The following HECW1 variants were observed in gnomAD, a reference collection of about 807,000 sequenced individuals.
HECW1 encodes E3 ubiquitin-protein ligase HECW1.
Under a neutral mutation model 182.3 loss-of-function variants are expected in HECW1, and 61 were observed. The ratio of observed to expected loss-of-function variants is 0.33; its 90% confidence interval spans 0.27 to 0.41. The LOEUF (loss-of-function observed/expected upper bound fraction) is 0.41. Among genes scored for constraint, HECW1 ranks in the 10% least tolerant of loss-of-function variants. HECW1 has a pLI of 1.00. For missense variants in HECW1, 1,739 were observed against 2,108.9 expected (o/e 0.82, Z 3.44); for synonymous variants, 859 against 832.6 (o/e 1.03, Z -0.55).
chr7:43,222,113 G>T (rs1797034747), intron 2 of HECW1, among the ~76,000 whole-genome samples: 8 of 152,144 alleles, frequency 5.3e-5, no homozygotes, highest in Admixed American at 5.2e-4. Flanking sequence ...AACTGTCTTG[G>T]CACATGAGAA....
At chr7:43,247,672 A>C in intron 3 of HECW1, among the ~76,000 whole-genome samples, 1 of 106,386 alleles carries the variant, frequency 9.4e-6, no homozygotes, top group Admixed American at 1.2e-4. Context: ...AAGGAAGGGG[A>C]GAGGGAGGGA....
Position 43,444,783 on chromosome 7 carries a change from G to T in HECW1, c.1611G>T (p.Leu537Phe). The change falls in exon 11 of 30, where the codon TTG (leucine) becomes TTT (phenylalanine). Residue 537 changes from leucine (L) to phenylalanine (F), a missense_variant. Around this residue, in one of 5 missense-constraint regions of HECW1, gnomAD observed 971 missense variants for 1,029.1 expected, o/e 0.94. Coordinates refer to ENST00000395891, the MANE Select transcript of HECW1 (RefSeq NM_015052.5). The surrounding 1 kb of genome is among the most constrained non-coding windows in gnomAD (Gnocchi z 4.3). ...AGAGAAAAAGCAGGCCCTGCTCCTT[G>T]CCTGTGTCCGAGCTGGAGACGGTGA... ...SVKRKSRPCS[L>F]PVSELETVIA... The T allele has an allele frequency of 1.2e-6, 2 of 1,614,122 alleles. No individual in the cohort carries two copies. The highest frequency in any genetic ancestry group is 8.5e-7 in the Non-Finnish European group (1 of 1,180,020).
intron 6 of HECW1, among the ~76,000 whole-genome samples, chr7:43,381,116 C>T (rs1000456908): frequency 6.6e-6 from 1 of 152,088 alleles, no homozygotes. Context: ...GTTAGGGACC[C>T]CAGGTTTATT....
Position 43,550,440 on chromosome 7 carries a change from A to G in HECW1, c.4249-5A>G, listed in dbSNP as rs1321761465. On this transcript the variant is annotated splice_polypyrimidine_tract_variant and splice_region_variant and intron_variant, in intron 26 of 29. Coordinates refer to ENST00000395891, the MANE Select transcript of HECW1 (RefSeq NM_015052.5). Reference sequence around the variant, plus strand: ...AGCATCGCAATATTTCTGTTTTCCTACAAGGTCACGGAAAGGGAGTTGAAG... The same window carrying G: ...AGCATCGCAATATTTCTGTTTTCCTGCAAGGTCACGGAAAGGGAGTTGAAG... The G allele has an allele frequency of 5.0e-6, 8 of 1,613,874 alleles. No homozygotes were observed. In the Admixed American group the frequency reaches 5.0e-5, roughly 10 times the overall value.
rs1198306184 is a variant in HECW1, at chr7:43,421,371, C to T, written c.801+13640C>T. ...AAAACAAGTAAGAATACTTTCATGT[C>T]CTTGTGGAAGCCAAAAAAATCTTAA... On this transcript the variant is annotated intron_variant, in intron 8 of 29. Transcript: ENST00000395891. Among the ~76,000 whole-genome samples, 3 of 152,056 alleles carry T rather than the reference C, an allele frequency of 2.0e-5. No homozygotes were observed. In the East Asian group the frequency reaches 5.8e-4, roughly 29 times the overall value.
chr7:43,511,433 C>G (rs997474519), intron 24 of HECW1: 2 of 152,220 alleles, frequency 1.3e-5, no homozygotes, highest in Non-Finnish European at 2.9e-5. Flanking sequence ...GCCTCAGTCC[C>G]GAGAGTCCTC....
Position 43,176,314 on chromosome 7 carries a change from C to G in HECW1, c.-32+61923C>G, listed in dbSNP as rs578210580. 2.1e-3 allele frequency among the ~76,000 whole-genome samples: 315 copies of G among 152,230 alleles called. 2 individuals are homozygous for G. Among genetic ancestry groups the G allele is most frequent in the Admixed American group, 8.0e-3 (122 of 15,294 alleles). On this transcript the variant is annotated intron_variant, in intron 2 of 29. Transcript: ENST00000395891. ...CAGTCAGAAGGAGTATACAACAGAACTTCAATAAGAGGTCGTGAAGCAGTC... is the reference window on the plus strand; with the variant it reads ...CAGTCAGAAGGAGTATACAACAGAAGTTCAATAAGAGGTCGTGAAGCAGTC...
At chr7:43,147,455 G>T (rs1156496803) in intron 2 of HECW1, 2 of 152,174 alleles carry the variant, frequency 1.3e-5, no homozygotes, top group African/African-American at 4.8e-5. Flanking sequence ...CAGAACAGAT[G>T]AAATGAAACC....
At chr7:43,462,666 G>A (rs1259576670) in intron 13 of HECW1, among the ~76,000 whole-genome samples, 7 of 152,060 alleles carry the variant, frequency 4.6e-5, no homozygotes, top group Non-Finnish European at 1.0e-4. Context: ...CCATCCTACT[G>A]CAGGGCGCCC....
chr7:43,337,274 A>T (rs371107840), intron 5 of HECW1, among the ~76,000 whole-genome samples: 2 of 152,256 alleles, frequency 1.3e-5, no homozygotes, highest in African/African-American at 4.8e-5. Context: ...TTTAATTTGC[A>T]TTTCTCTGAT....
At chr7:43,228,862 A>G (rs1797651122) in intron 2 of HECW1, among the ~76,000 whole-genome samples, 1 of 152,258 alleles carries the variant, frequency 6.6e-6, no homozygotes, top group South Asian at 2.1e-4. Flanking sequence ...AAATTGGAAT[A>G]TAAAATTGCG....
At chr7:43,322,052 A>G (rs534476936) in intron 5 of HECW1, among the ~76,000 whole-genome samples, 4 of 152,286 alleles carry the variant, frequency 2.6e-5, no homozygotes, top group East Asian at 1.9e-4. Context: ...AGGCATAATA[A>G]AACTCCCAGC....
At position 43,473,710 on chromosome 7, in the gene HECW1, C is replaced by A. The variant is rs181583161; in HGVS notation, c.3099+4605C>A. Among the ~76,000 whole-genome samples the A allele has an allele frequency of 2.7e-3, 414 of 151,394 alleles. 2 individuals are homozygous for A. Among genetic ancestry groups the A allele is most frequent in the African/African-American group, 9.8e-3 (405 of 41,292 alleles). On this transcript the variant is annotated intron_variant, in intron 16 of 29. Coordinates refer to ENST00000395891, the MANE Select transcript of HECW1 (RefSeq NM_015052.5). Reference sequence around the variant, plus strand: ...CTAGTTGGGCTCAAGGGGAGTAAAACGGGATCATTTAAAAAACAAAGGTTA... The same window carrying A: ...CTAGTTGGGCTCAAGGGGAGTAAAAAGGGATCATTTAAAAAACAAAGGTTA...
rs112447225 is a variant in HECW1, at chr7:43,242,885, C to T, written c.-31-990C>T. 2.6e-5 allele frequency among the ~76,000 whole-genome samples: 4 copies of T among 152,194 alleles called. No individual in the cohort carries two copies. The South Asian group carries it at 6.2e-4, about 24-fold the overall frequency. ...AGAAGTCCAGTAGCGTCCACCAGGGCGTTGGACACAGAGCAGGATCTCAGT... is the reference window on the plus strand; with the variant it reads ...AGAAGTCCAGTAGCGTCCACCAGGGTGTTGGACACAGAGCAGGATCTCAGT... On this transcript the variant is annotated intron_variant, in intron 2 of 29. Coordinates refer to ENST00000395891, the MANE Select transcript of HECW1 (RefSeq NM_015052.5).
Position 43,232,855 on chromosome 7 carries a change from C to T in HECW1, c.-31-11020C>T, listed in dbSNP as rs867082185. Among the ~76,000 whole-genome samples, 7 of 152,296 alleles carry T rather than the reference C, an allele frequency of 4.6e-5. 1 individual carries two copies. Among genetic ancestry groups the T allele is most frequent in the South Asian group, 4.1e-4 (2 of 4,820 alleles). On this transcript the variant is annotated intron_variant, in intron 2 of 29. Transcript: ENST00000395891. ...CTCTATCTTTAGGATAGCCAATAATCGTCCTTTAACCCATGTGCCTTTGCT... is the reference window on the plus strand; with the variant it reads ...CTCTATCTTTAGGATAGCCAATAATTGTCCTTTAACCCATGTGCCTTTGCT...
Position 43,479,644 on chromosome 7 carries a change from C to T in HECW1, c.3134C>T (p.Thr1045Ile). Residue 1045 changes from threonine (T) to isoleucine (I), a missense_variant, in exon 17 of 30, where the codon ACT (threonine) becomes ATT (isoleucine). By Grantham distance (89) the Thr-to-Ile change is moderately conservative. Transcript: ENST00000395891. Reference sequence around the variant, plus strand: ...GTGGACCACAACAGTCGAGCTACCACTTTCATTGACCCCCGAATCCCTCTT... The same window carrying T: ...GTGGACCACAACAGTCGAGCTACCATTTTCATTGACCCCCGAATCCCTCTT... ...FFVDHNSRAT[T>I]FIDPRIPLQN... The T allele has an allele frequency of 6.2e-7, 1 of 1,614,130 alleles. No individual in the cohort carries two copies. Among genetic ancestry groups the T allele is most frequent in the Non-Finnish European group, 8.5e-7 (1 of 1,180,014 alleles).
intron 24 of HECW1, among the ~76,000 whole-genome samples, chr7:43,514,693 C>T (rs1202172029): frequency 6.6e-6 from 1 of 152,074 alleles, no homozygotes; most frequent in East Asian, 1.9e-4. Context: ...TTATTGTATC[C>T]TGATTTTCTA....
intron 3 of HECW1, among the ~76,000 whole-genome samples, chr7:43,285,914 G>A (rs986395322): frequency 6.6e-6 from 1 of 152,226 alleles, no homozygotes; most frequent in Non-Finnish European, 1.5e-5. Flanking sequence ...TGAAGTAATA[G>A]ATTATACTGA....
At chr7:43,438,544 A>G (rs2076780820) in intron 9 of HECW1, 1 of 153,894 alleles carries the variant, frequency 6.5e-6, no homozygotes, top group Admixed American at 6.5e-5. Flanking sequence ...CCATAACAAG[A>G]TGGAATACTG....
Sources: allele counts gnomAD v4.1 joint callset (sites outside exome capture counted in the v4.1 genomes callset), GRCh38; gene constraint gnomAD v4.1.1; regional missense constraint gnomAD v4.1.1; non-coding constraint Gnocchi (gnomAD v3.1); transcripts MANE v1.5; gene names NCBI Gene and HGNC (gene_info 2026-07-23, HGNC 2026-07-21).